SAMMSON: variants seen among roughly 807,000 people sequenced by gnomAD.
SAMMSON encodes survival associated mitochondrial melanoma specific oncogenic non-coding RNA.
intron 7 of SAMMSON, among the ~76,000 whole-genome samples, chr3:70,309,540 C>A (rs935074749): frequency 6.6e-6 from 1 of 152,158 alleles, no homozygotes; most frequent in African/African-American, 2.4e-5. Flanking sequence ...GATAAAGTAA[C>A]ATGGCACAAT....
At chr3:70,210,172 CTT>C (rs920299107) in intron 4 of SAMMSON, among the ~76,000 whole-genome samples, 2 of 152,010 alleles carry the variant, frequency 1.3e-5, no homozygotes, top group Non-Finnish European at 2.9e-5. Flanking sequence ...ATATGATTCT[CTT>C]TTTAATTTTG....
intron 4 of SAMMSON, among the ~76,000 whole-genome samples, chr3:70,227,656 A>C (rs866349176): frequency 1.3e-5 from 2 of 152,192 alleles, no homozygotes; most frequent in Admixed American, 1.3e-4. Context: ...CAACCTAATA[A>C]TACTACTTAA....
intron 4 of SAMMSON, among the ~76,000 whole-genome samples, chr3:70,187,021 GA>G (rs1335684836): frequency 1.3e-5 from 2 of 152,206 alleles, no homozygotes; most frequent in Admixed American, 6.5e-5. Flanking sequence ...GCTGCTGGAA[GA>G]AAGGTCTGTC....
rs143794007 is a variant in SAMMSON, at chr3:70,260,939, G to T, written n.674+11269G>T. On this transcript the variant is annotated intron_variant and non_coding_transcript_variant, in intron 6 of 9. Transcript: ENST00000642114. ...CTAGCTGATGGAGAAACTGAGTCCAGGGAAGATAAGTGATTTTCTCAAGTT... is the reference window on the plus strand; with the variant it reads ...CTAGCTGATGGAGAAACTGAGTCCATGGAAGATAAGTGATTTTCTCAAGTT... 4.3e-3 allele frequency among the ~76,000 whole-genome samples: 658 copies of T among 152,208 alleles called. 8 individuals are homozygous for T. Among genetic ancestry groups the T allele is most frequent in the African/African-American group, 0.015 (607 of 41,532 alleles).
intron 6 of SAMMSON, among the ~76,000 whole-genome samples, chr3:70,277,460 G>T (rs1702038746): frequency 6.6e-6 from 1 of 152,112 alleles, no homozygotes; most frequent in Non-Finnish European, 1.5e-5. Context: ...ACACTATAAT[G>T]ACGGCTCTTG....
chr3:70,091,359 CT>C (rs1457372628), intron 4 of SAMMSON, among the ~76,000 whole-genome samples: 1 of 152,168 alleles, frequency 6.6e-6, no homozygotes, highest in Non-Finnish European at 1.5e-5. Context: ...GAGATTTCCA[CT>C]GAAACAAGCT....
At chr3:70,212,373 A>C (rs1301121973) in intron 4 of SAMMSON, among the ~76,000 whole-genome samples, 2 of 151,996 alleles carry the variant, frequency 1.3e-5, no homozygotes, top group Non-Finnish European at 2.9e-5. Context: ...AACTGGAATA[A>C]CTCTGGCTAT....
intron 7 of SAMMSON, among the ~76,000 whole-genome samples, chr3:70,313,757 T>C (rs1396016249): frequency 6.6e-6 from 1 of 152,178 alleles, no homozygotes; most frequent in Non-Finnish European, 1.5e-5. Flanking sequence ...TCCCACTATA[T>C]AATCCTTAAA....
intron 4 of SAMMSON, among the ~76,000 whole-genome samples, chr3:70,214,417 G>C (rs1165904832): frequency 1.3e-5 from 2 of 151,900 alleles, no homozygotes; most frequent in Admixed American, 6.6e-5. Context: ...AATCAGGCTT[G>C]GTAAATCTTT....
At chr3:70,007,480 T>C (rs1395677992) in intron 1 of SAMMSON, among the ~76,000 whole-genome samples, 2 of 152,144 alleles carry the variant, frequency 1.3e-5, no homozygotes, top group Non-Finnish European at 1.5e-5. Context: ...CCTTCACTTT[T>C]TGATGGGGCT....
At chr3:70,160,265 G>T (rs543360183) in intron 4 of SAMMSON, among the ~76,000 whole-genome samples, 14 of 151,470 alleles carry the variant, frequency 9.2e-5, no homozygotes, top group African/African-American at 3.4e-4. Context: ...TCTATAAGTT[G>T]TATTGTTTTA....
At chr3:70,129,885 A>G (rs547087076) in intron 4 of SAMMSON, among the ~76,000 whole-genome samples, 36 of 152,196 alleles carry the variant, frequency 2.4e-4, no homozygotes, top group Non-Finnish European at 5.1e-4. Context: ...ATTTAATGTT[A>G]TATATTTAAG....
intron 9 of SAMMSON, among the ~76,000 whole-genome samples, chr3:70,366,769 T>C (rs934287676): frequency 4.6e-5 from 7 of 151,788 alleles, no homozygotes; most frequent in Admixed American, 4.6e-4. Flanking sequence ...TTAAAAGTGA[T>C]TGTACCATTT....
At chr3:70,409,332 A>T (rs939093592) in intron 2 of SAMMSON, among the ~76,000 whole-genome samples, 44 of 152,332 alleles carry the variant, frequency 2.9e-4, no homozygotes, top group African/African-American at 1.1e-3. Context: ...TGGAAATGAC[A>T]TTTTAATTTT....
chr3:70,092,076 G>T (rs1415707623), intron 4 of SAMMSON, among the ~76,000 whole-genome samples: 1 of 152,036 alleles, frequency 6.6e-6, no homozygotes, highest in African/African-American at 2.4e-5. Context: ...CTAGGCTCTA[G>T]GCCTGGGTTT....
At position 70,085,121 on chromosome 3, in the gene SAMMSON, C is replaced by T. The variant is rs1559787916; in HGVS notation, n.507+13556C>T. ...GTGGCATGGCTTCAGAAGCCTCTCACATCAAACTGTAGAGTGGGCACCTTT... is the reference window on the plus strand; with the variant it reads ...GTGGCATGGCTTCAGAAGCCTCTCATATCAAACTGTAGAGTGGGCACCTTT... On this transcript the variant is annotated intron_variant and non_coding_transcript_variant, in intron 4 of 9. Transcript: ENST00000642114. Among the ~76,000 whole-genome samples, 3 of 152,286 alleles carry T rather than the reference C, an allele frequency of 2.0e-5. No homozygotes were observed. The South Asian group carries it at 6.2e-4, about 32-fold the overall frequency.
At chr3:70,393,798 G>A (rs1000454627), downstream of SAMMSON, among the ~76,000 whole-genome samples, 1 of 152,074 alleles carries the variant, frequency 6.6e-6, no homozygotes, top group Non-Finnish European at 1.5e-5. Context: ...CAGAGGTAGG[G>A]GCGGAGCTCA....
intron 2 of SAMMSON, among the ~76,000 whole-genome samples, chr3:70,416,969 G>A (rs551425749): frequency 8.6e-5 from 13 of 152,038 alleles, no homozygotes; most frequent in African/African-American, 3.1e-4. Flanking sequence ...AAAAACATCT[G>A]GCATAGACTC....
chr3:70,109,377 A>G (rs1379481582), intron 4 of SAMMSON, among the ~76,000 whole-genome samples: 1 of 152,094 alleles, frequency 6.6e-6, no homozygotes, highest in Non-Finnish European at 1.5e-5. Context: ...GCCCACTTCC[A>G]TCCCGGCTAC....
Sources: gnomAD v4.1 joint callset for allele counts (sites outside exome capture counted in the v4.1 genomes callset) on GRCh38, gnomAD v4.1.1 for gene constraint, MANE v1.5 for transcripts, NCBI Gene and HGNC (gene_info 2026-07-23, HGNC 2026-07-21) for gene names.